Variants in SH3PXD2A observed in about 807,000 individuals in gnomAD.
The protein encoded by SH3PXD2A is SH3 and PX domain-containing protein 2A.
In SH3PXD2A, 32 loss-of-function variants were observed where a neutral mutation model predicts 115.2. The observed-to-expected ratio is 0.28, with a 90% CI of 0.21 to 0.37. The LOEUF (loss-of-function observed/expected upper bound fraction) is 0.37, where lower values mean the gene tolerates loss of function less well. Ranked by LOEUF, SH3PXD2A falls within the 10% of genes least tolerant of loss-of-function variation. The pLI, the probability that SH3PXD2A is intolerant of heterozygous loss-of-function variation, is 1.00. For missense variants in SH3PXD2A, 1,328 were observed against 1,498.7 expected (o/e 0.89, Z 1.88); for synonymous variants, 610 against 629.1 (o/e 0.97, Z 0.45).
At chr10:103,679,611 G>A (rs2037584078) in intron 6 of SH3PXD2A, among the ~76,000 whole-genome samples, 1 of 152,244 alleles carries the variant, frequency 6.6e-6, no homozygotes, top group African/African-American at 2.4e-5. Flanking sequence ...CTCAGAGCCA[G>A]CAGGCTCCAG....
rs183359578 is a variant in SH3PXD2A at position 103,778,810 on chromosome 10, G to A, written c.154-11641C>T. On this transcript the variant is annotated intron_variant, in intron 2 of 14. Transcript: ENST00000369774. Reference sequence around the variant, plus strand: ...TTCCAACAGCTGTAAGGCCTTTTGGGTTTTTCACCTATAATTTCACACCCT... The same window carrying A: ...TTCCAACAGCTGTAAGGCCTTTTGGATTTTTCACCTATAATTTCACACCCT... Among the ~76,000 whole-genome samples, 153 of 152,272 alleles carry A rather than the reference G, an allele frequency of 1.0e-3. 3 individuals are homozygous for A. Among genetic ancestry groups the A allele is most frequent in the African/African-American group, 3.6e-3 (148 of 41,538 alleles).
At chr10:103,709,676 T>C (rs2038024507) in intron 5 of SH3PXD2A, among the ~76,000 whole-genome samples, 1 of 152,154 alleles carries the variant, frequency 6.6e-6, no homozygotes, top group Non-Finnish European at 1.5e-5. Flanking sequence ...AGGTAAGAGG[T>C]TCTAGCCCAT....
intron 1 of SH3PXD2A, among the ~76,000 whole-genome samples, chr10:103,852,641 T>C (rs1157637320): frequency 6.6e-6 from 1 of 152,182 alleles, no homozygotes; most frequent in African/African-American, 2.4e-5. Context: ...ACTTGAGCTT[T>C]TGGTGTGTGG....
At chr10:103,610,821 G>A (rs1158252938) in intron 13 of SH3PXD2A, among the ~76,000 whole-genome samples, 1 of 152,220 alleles carries the variant, frequency 6.6e-6, no homozygotes, top group Non-Finnish European at 1.5e-5. Flanking sequence ...GGGCACTGAA[G>A]CTTGTAGAGG....
intron 8 of SH3PXD2A, among the ~76,000 whole-genome samples, chr10:103,652,659 C>T (rs1043010271): frequency 8.5e-5 from 13 of 152,162 alleles, no homozygotes; most frequent in Non-Finnish European, 1.9e-4. Flanking sequence ...AAATCTGTTA[C>T]GTAACAGTGG....
At chr10:103,610,515 C>A (rs995350102) in intron 13 of SH3PXD2A, among the ~76,000 whole-genome samples, 2 of 152,214 alleles carry the variant, frequency 1.3e-5, no homozygotes, top group Middle Eastern at 3.2e-3. Context: ...AGGAAGGTCT[C>A]ATCTCCAGGG....
chr10:103,836,916 A>G (rs1387803120), intron 1 of SH3PXD2A, among the ~76,000 whole-genome samples: 4 of 152,198 alleles, frequency 2.6e-5, no homozygotes, highest in Non-Finnish European at 4.4e-5. Context: ...TGGGCACAGG[A>G]GCCGGCAGCC....
chr10:103,796,871 T>A (rs1425767582), intron 2 of SH3PXD2A, among the ~76,000 whole-genome samples: 2 of 150,946 alleles, frequency 1.3e-5, no homozygotes, highest in Admixed American at 1.3e-4. Flanking sequence ...TTTTTTTTTT[T>A]TTTTTTTTGA....
At chr10:103,690,724 AGCC>A (rs2037739956) in intron 6 of SH3PXD2A, among the ~76,000 whole-genome samples, 1 of 152,252 alleles carries the variant, frequency 6.6e-6, no homozygotes, top group Non-Finnish European at 1.5e-5. Flanking sequence ...ACTGTGGCCC[AGCC>A]AAGTTGACAC....
At chr10:103,779,994 C>G (rs1442796789) in intron 2 of SH3PXD2A, among the ~76,000 whole-genome samples, 1 of 152,254 alleles carries the variant, frequency 6.6e-6, no homozygotes, top group Non-Finnish European at 1.5e-5. Context: ...CCGGCTGAAC[C>G]ACACCCCTAG....
chr10:103,760,309 C>T (rs545749464), intron 3 of SH3PXD2A, among the ~76,000 whole-genome samples: 1 of 152,298 alleles, frequency 6.6e-6, no homozygotes, highest in South Asian at 2.1e-4. Flanking sequence ...TGGCTCACAC[C>T]TGTAATCCCA....
At chr10:103,603,847 C>G (rs2036259687) in intron 14 of SH3PXD2A, 58 bp from the exon 15 acceptor site, 1 of 1,496,992 alleles carries the variant, frequency 6.7e-7, no homozygotes, top group Admixed American at 2.3e-5. Flanking sequence ...CCTATGACAT[C>G]CCAAGGTAGG....
In SH3PXD2A at chr10:103,756,507, G is replaced by GAGTGCCC. The variant is rs1278103443; in HGVS notation, c.229+10580_229+10586dup. ...CAGTGAAACCTGGACCCAGAAACCA[G>GAGTGCCC]AGTGCCCAGTGCCCAGAGGCTCCTG... is the stretch of plus-strand genomic sequence containing the variant. On this transcript the variant is annotated intron_variant, in intron 3 of 14. Coordinates refer to ENST00000369774, the MANE Select transcript of SH3PXD2A (RefSeq NM_001394015.1). This position sits in a 1 kb window ranked among gnomAD's most constrained non-coding sequence, Gnocchi z 4.4. Among the ~76,000 whole-genome samples, 1 of 152,174 alleles carries GAGTGCCC rather than the reference G, an allele frequency of 6.6e-6. No individual in the cohort carries two copies. The highest frequency in any genetic ancestry group is 1.5e-5 in the Non-Finnish European group (1 of 68,026).
At chr10:103,845,808 C>G (rs1442801601) in intron 1 of SH3PXD2A, among the ~76,000 whole-genome samples, 1 of 152,168 alleles carries the variant, frequency 6.6e-6, no homozygotes, top group East Asian at 1.9e-4. Context: ...GTGCCAAGGT[C>G]TCCTTTAGTG....
chr10:103,623,270 C>G (rs1010968901), intron 9 of SH3PXD2A, among the ~76,000 whole-genome samples: 30 of 146,270 alleles, frequency 2.1e-4, no homozygotes, highest in African/African-American at 8.3e-4. Context: ...ATGACAGGGG[C>G]CCCCTCCCCA....
At chr10:103,618,442 C>T (rs2036553407) in intron 10 of SH3PXD2A, among the ~76,000 whole-genome samples, 1 of 152,222 alleles carries the variant, frequency 6.6e-6, no homozygotes, top group African/African-American at 2.4e-5. Flanking sequence ...TGCCTCCTGC[C>T]TGAGACACTC....
Position 103,825,758 on chromosome 10 carries a change from A to AC in SH3PXD2A, c.73-24397dup, listed in dbSNP as rs879547164. ...TCCTGGGTAAAACACAGCATCCGTA[A>AC]CAAATTTTTTTTTTTTTTTTTTTGA... On this transcript the variant is annotated intron_variant, in intron 1 of 14. Coordinates refer to ENST00000369774, the MANE Select transcript of SH3PXD2A (RefSeq NM_001394015.1). Among the ~76,000 whole-genome samples, 105 of 128,854 alleles carry AC rather than the reference A, an allele frequency of 8.1e-4. 1 individual carries two copies. In the East Asian group the frequency reaches 9.4e-3, roughly 12 times the overall value. The allele number at this position is 128,854 out of a possible 152,430, so 84.5% of individuals were successfully genotyped here.
intron 1 of SH3PXD2A, among the ~76,000 whole-genome samples, chr10:103,816,031 T>C (rs979847214): frequency 6.6e-6 from 1 of 152,136 alleles, no homozygotes; most frequent in African/African-American, 2.4e-5. Flanking sequence ...GGTCAAAGGA[T>C]ACAAATTTCC....
intron 7 of SH3PXD2A, among the ~76,000 whole-genome samples, chr10:103,663,729 G>C (rs958185733): frequency 5.9e-4 from 90 of 152,354 alleles, no homozygotes; most frequent in African/African-American, 2.0e-3. Flanking sequence ...TAGGGCAGAC[G>C]GCAATGGCCA....
Sources: gnomAD v4.1 joint callset for allele counts (sites outside exome capture counted in the v4.1 genomes callset) on GRCh38, gnomAD v4.1.1 for gene constraint, Gnocchi (gnomAD v3.1) non-coding constraint, MANE v1.5 for transcripts, NCBI Gene and HGNC (gene_info 2026-07-23, HGNC 2026-07-21) for gene names.